Variants in SETBP1 observed in about 807,000 individuals in gnomAD.
The protein encoded by SETBP1 is SET-binding protein.
In SETBP1, 9 loss-of-function variants were observed where a neutral mutation model predicts 101.0. The ratio of observed to expected loss-of-function variants is 0.09; its 90% CI spans 0.05 to 0.16. The LOEUF (loss-of-function observed/expected upper bound fraction) is 0.16. Among genes scored for constraint, SETBP1 ranks in the 10% least tolerant of loss-of-function variants. SETBP1 has a pLI of 1.00. For missense variants in SETBP1, 1,858 were observed against 2,033.8 expected (o/e 0.91, Z 1.66); for synonymous variants, 818 against 788.5 (o/e 1.04, Z -0.63).
chr18:44,827,004 A>T (rs2072253537), intron 2 of SETBP1, among the ~76,000 whole-genome samples: 1 of 152,240 alleles, frequency 6.6e-6, no homozygotes, highest in Admixed American at 6.5e-5. Context: ...ATGCCATGGG[A>T]GAGCTTCTCT....
chr18:44,712,255 G>A (rs2069363977), intron 2 of SETBP1, among the ~76,000 whole-genome samples: 1 of 152,166 alleles, frequency 6.6e-6, no homozygotes, highest in South Asian at 2.1e-4. Context: ...TAGGAGGTTG[G>A]GGGTGGGTAG....
chr18:44,920,986 C>G (rs1251279027), intron 3 of SETBP1, among the ~76,000 whole-genome samples: 1 of 152,168 alleles, frequency 6.6e-6, no homozygotes, highest in Non-Finnish European at 1.5e-5. Flanking sequence ...GCTGAACTGA[C>G]AAGTCTGAGG....
chr18:45,049,954 A>C (rs2073694934), intron 5 of SETBP1, among the ~76,000 whole-genome samples: 1 of 152,196 alleles, frequency 6.6e-6, no homozygotes, highest in Non-Finnish European at 1.5e-5. Flanking sequence ...TTTCTTAAGG[A>C]AATATAGCAT....
intron 2 of SETBP1, among the ~76,000 whole-genome samples, chr18:44,847,872 C>T (rs185138609): frequency 2.4e-4 from 36 of 152,218 alleles, no homozygotes; most frequent in African/African-American, 8.2e-4. Context: ...CTTTCTGAGC[C>T]ATGTCATGAC....
chr18:44,960,005 G>C (rs1025677873), intron 4 of SETBP1, among the ~76,000 whole-genome samples: 8 of 152,070 alleles, frequency 5.3e-5, no homozygotes, highest in Non-Finnish European at 1.2e-4. Context: ...TTCACCTCCT[G>C]GGTTCATTCT....
intron 4 of SETBP1, among the ~76,000 whole-genome samples, chr18:45,003,687 GAAA>G (rs34433996): frequency 7.4e-5 from 10 of 135,564 alleles, no homozygotes; most frequent in African/African-American, 2.5e-4. Context: ...AATGTCATGG[GAAA>G]AAAAAAAAAA....
chr18:44,958,513 T>C (rs923974707), intron 4 of SETBP1, among the ~76,000 whole-genome samples: 1 of 152,164 alleles, frequency 6.6e-6, no homozygotes, highest in Non-Finnish European at 1.5e-5. Flanking sequence ...ATTAAATAAA[T>C]CTTAATAATG....
chr18:44,949,985 C>T lies in SETBP1; in HGVS notation c.645C>T (p.Ser215=), dbSNP rs202152985. 13 of 1,614,190 alleles carry T rather than the reference C, an allele frequency of 8.1e-6. No homozygotes were observed. The highest frequency in any genetic ancestry group is 1.1e-5 in the Non-Finnish European group (13 of 1,180,024). ...AACCAAAGCACCAGCAAAAAAGCAG[C>T]AGCCAGAACCACATGGACTGGTCCA... ...TLKPKHQQKS[S]SQNHMDWSTN... Residue 215 remains serine (S), a synonymous_variant, in exon 4 of 6, where the codon AGC becomes AGT. Transcript: ENST00000649279.
chr18:44,698,851 T>G (rs1183017735), intron 1 of SETBP1, among the ~76,000 whole-genome samples: 3 of 152,228 alleles, frequency 2.0e-5, no homozygotes, highest in Non-Finnish European at 4.4e-5. Flanking sequence ...TTTTTTGTAT[T>G]GAATTTTTTT....
At chr18:44,739,526 T>C (rs988751505) in intron 2 of SETBP1, among the ~76,000 whole-genome samples, 2 of 152,186 alleles carry the variant, frequency 1.3e-5, no homozygotes, top group African/African-American at 4.8e-5. Flanking sequence ...AAGATATGTT[T>C]TAATAAAAAG....
intron 2 of SETBP1, among the ~76,000 whole-genome samples, chr18:44,734,671 T>C (rs943269301): frequency 6.6e-6 from 1 of 152,152 alleles, no homozygotes; most frequent in Admixed American, 6.5e-5. Context: ...ATCCCCTTCC[T>C]TCCTGGTGTC....
At position 44,964,604 on chromosome 18, in the gene SETBP1, A is replaced by C. The variant is rs550281616; in HGVS notation, c.4000+11264A>C. ...TTTTTATTATCTTAAAAAAAAAAAA[A>C]CCCTGTTAATAAAGAAAATTTGAAA... is the stretch of plus-strand genomic sequence containing the variant. On this transcript the variant is annotated intron_variant, in intron 4 of 5. Coordinates refer to ENST00000649279, the MANE Select transcript of SETBP1 (RefSeq NM_015559.3). Among the ~76,000 whole-genome samples the C allele has an allele frequency of 8.3e-3, 1,223 of 147,336 alleles. 13 individuals are homozygous for C. Among genetic ancestry groups the C allele is most frequent in the African/African-American group, 0.028 (1,131 of 39,966 alleles).
intron 2 of SETBP1, among the ~76,000 whole-genome samples, chr18:44,795,080 A>G (rs916730265): frequency 1.4e-4 from 21 of 152,218 alleles, no homozygotes; most frequent in African/African-American, 4.6e-4. Flanking sequence ...CCTAAGTGCA[A>G]TAAATCTAGT....
chr18:44,768,225 A>G (rs750303704), intron 2 of SETBP1, among the ~76,000 whole-genome samples: 2 of 152,178 alleles, frequency 1.3e-5, no homozygotes, highest in African/African-American at 4.8e-5. Context: ...TTGTTAAGTG[A>G]GAGGAATCTG....
chr18:44,914,870 A>G (rs1809191839), intron 3 of SETBP1, among the ~76,000 whole-genome samples: 1 of 152,122 alleles, frequency 6.6e-6, no homozygotes, highest in African/African-American at 2.4e-5. Context: ...CACCCAAGCC[A>G]ACGTCCTGAG....
chr18:45,029,122 T>C (rs1449123903), intron 4 of SETBP1, among the ~76,000 whole-genome samples: 5 of 152,250 alleles, frequency 3.3e-5, no homozygotes, highest in Non-Finnish European at 7.3e-5. Flanking sequence ...CTAGGTTTTC[T>C]TCTAGGGTTT....
intron 2 of SETBP1, among the ~76,000 whole-genome samples, chr18:44,800,949 C>A (rs961150564): frequency 1.3e-5 from 2 of 152,032 alleles, no homozygotes; most frequent in African/African-American, 2.4e-5. Context: ...TACTATGCAG[C>A]CATAAAAAAG....
chr18:44,899,538 A>G (rs945436300), intron 3 of SETBP1, among the ~76,000 whole-genome samples: 1 of 152,178 alleles, frequency 6.6e-6, no homozygotes, highest in African/African-American at 2.4e-5. Context: ...GACTGGACTC[A>G]CCACTCAGCT....
At chr18:45,052,586 A>T (rs1250629144) in intron 5 of SETBP1, among the ~76,000 whole-genome samples, 1 of 152,170 alleles carries the variant, frequency 6.6e-6, no homozygotes, top group Non-Finnish European at 1.5e-5. Flanking sequence ...TCTGACACTT[A>T]CAGAAATAAT....
Sources: gnomAD v4.1 joint callset for allele counts (sites outside exome capture counted in the v4.1 genomes callset) on GRCh38, gnomAD v4.1.1 for gene constraint, MANE v1.5 for transcripts, NCBI Gene and HGNC (gene_info 2026-07-23, HGNC 2026-07-21) for gene names.